Variants in WDR76 observed in about 807,000 individuals in gnomAD.
WDR76 encodes the protein WD repeat domain 76.
In WDR76, 52 loss-of-function variants were observed where a neutral mutation model predicts 70.2. That is an observed-to-expected ratio of 0.74 (90% CI 0.59 to 0.93). The LOEUF (loss-of-function observed/expected upper bound fraction) is 0.93, where lower values mean the gene tolerates loss of function less well. WDR76 is among the 40% of genes least tolerant of loss of function. The pLI is 0.00. For synonymous variants in WDR76, 292 were observed against 271.1 expected (o/e 1.08, Z -0.76); for missense variants, 756 against 760.2 (o/e 0.99, Z 0.07).
Position 43,866,464 on chromosome 15 carries a change from A to C in WDR76, c.*72A>C. The C allele has an allele frequency of 1.9e-6, 3 of 1,549,028 alleles. No homozygotes were observed. Among genetic ancestry groups the C allele is most frequent in the Non-Finnish European group, 2.7e-6 (3 of 1,131,588 alleles). ...AGGAGCCTAGTAATCGGCGTGCCTTAGTGTGTTTATGTGGTAATGTGTTAC... is the reference window on the plus strand; with the variant it reads ...AGGAGCCTAGTAATCGGCGTGCCTTCGTGTGTTTATGTGGTAATGTGTTAC... On this transcript the variant is annotated 3_prime_UTR_variant, in exon 13 of 13. Transcript: ENST00000263795.
intron 8 of WDR76, among the ~76,000 whole-genome samples, chr15:43,849,436 AAAG>A (rs1382246122): frequency 1.3e-5 from 2 of 152,252 alleles, no homozygotes; most frequent in African/African-American, 4.8e-5. Context: ...AAATTTTAAA[AAAG>A]GACCATGCTG....
At chr15:43,831,124 G>A (rs2087582863) in intron 2 of WDR76, among the ~76,000 whole-genome samples, 1 of 151,388 alleles carries the variant, frequency 6.6e-6, no homozygotes, top group Non-Finnish European at 1.5e-5. Context: ...TGAGCTACTC[G>A]GGAGGCTGAG....
At chr15:43,841,684 G>T (rs1395453780) in intron 5 of WDR76, among the ~76,000 whole-genome samples, 1 of 152,046 alleles carries the variant, frequency 6.6e-6, no homozygotes, top group East Asian at 1.9e-4. Flanking sequence ...ATTGCTAGTT[G>T]TGACATACTA....
intron 2 of WDR76, among the ~76,000 whole-genome samples, chr15:43,833,216 A>G (rs1250437160): frequency 6.6e-6 from 1 of 152,002 alleles, no homozygotes; most frequent in Admixed American, 6.6e-5. Flanking sequence ...CCAGGCTAGA[A>G]CACAGTGGTG....
intron 2 of WDR76, among the ~76,000 whole-genome samples, chr15:43,833,623 CTTTT>C (rs796378317): frequency 2.2e-5 from 3 of 137,828 alleles, no homozygotes; most frequent in East Asian, 2.1e-4. Flanking sequence ...CCAGCCCTTT[CTTTT>C]TTTTTTTTGT....
chr15:43,864,410 A>G (rs1003632802), intron 12 of WDR76, among the ~76,000 whole-genome samples: 2 of 152,022 alleles, frequency 1.3e-5, no homozygotes, highest in African/African-American at 4.8e-5. Context: ...ATCTTTACCA[A>G]TACTTGCTAT....
At chr15:43,843,193 T>C (rs2087748196) in intron 7 of WDR76, among the ~76,000 whole-genome samples, 1 of 151,874 alleles carries the variant, frequency 6.6e-6, no homozygotes, top group South Asian at 2.1e-4. Context: ...CTCACTAATT[T>C]TTGTATTTGT....
intron 8 of WDR76, among the ~76,000 whole-genome samples, chr15:43,850,264 A>AT (rs887345629): frequency 1.3e-3 from 197 of 148,710 alleles, no homozygotes; most frequent in African/African-American, 4.8e-3. Context: ...TTATGGTGTT[A>AT]TTTTTTTATT....
At chr15:43,861,045 T>C (rs542643824) in intron 11 of WDR76, among the ~76,000 whole-genome samples, 1 of 150,144 alleles carries the variant, frequency 6.7e-6, no homozygotes, top group Admixed American at 6.7e-5. Context: ...CTCAGCCTCC[T>C]GAGTAGCTCG....
chr15:43,857,820 C>CAA (rs972013972), intron 10 of WDR76, among the ~76,000 whole-genome samples: 783 of 57,384 alleles, frequency 0.014, 7 homozygotes, highest in African/African-American at 0.026. Context: ...CTCTTGTCTC[C>CAA]AAAAAAAAAA....
At chr15:43,831,046 C>T (rs2087581456) in intron 2 of WDR76, among the ~76,000 whole-genome samples, 1 of 148,532 alleles carries the variant, frequency 6.7e-6, no homozygotes, top group Non-Finnish European at 1.5e-5. Flanking sequence ...AGACTCTGTC[C>T]CCACTTCCCC....
intron 11 of WDR76, among the ~76,000 whole-genome samples, chr15:43,861,128 A>C (rs2087992459): frequency 2.0e-5 from 3 of 152,078 alleles, no homozygotes; most frequent in African/African-American, 7.2e-5. Context: ...TGTATTGCCC[A>C]GGTTGGTCTC....
At chr15:43,865,247 CA>C (rs1437331366) in intron 12 of WDR76, among the ~76,000 whole-genome samples, 1 of 151,898 alleles carries the variant, frequency 6.6e-6, no homozygotes, top group Non-Finnish European at 1.5e-5. Flanking sequence ...AGGCAAGCAC[CA>C]CCATGCCTGG....
intron 4 of WDR76, among the ~76,000 whole-genome samples, chr15:43,839,081 TA>T (rs995855005): frequency 1.3e-5 from 2 of 152,112 alleles, no homozygotes; most frequent in African/African-American, 4.8e-5. Flanking sequence ...AAATAGTGCA[TA>T]AAAAAATAGA....
At position 43,866,505 on chromosome 15, in the gene WDR76, C is replaced by T. The variant is rs1232678394; in HGVS notation, c.*113C>T. 4.8e-6 allele frequency: 6 copies of T among 1,239,318 alleles called. No individual in the cohort carries two copies. Among genetic ancestry groups the T allele is most frequent in the Middle Eastern group, 2.5e-4 (1 of 4,022 alleles). 76.8% of individuals were successfully genotyped at this position (1,239,318 alleles called of 1,614,324 possible). ...AATGTGTTACATTTAGCAATTATAA[C>T]ATTGTTTTATTAATAAGACTATAAG... On this transcript the variant is annotated 3_prime_UTR_variant, in exon 13 of 13. Transcript: ENST00000263795.
rs1190623524 is a variant in WDR76 at position 43,843,974 on chromosome 15, T to C, written c.952T>C (p.Ser318Pro). 1 of 1,613,848 alleles carries C rather than the reference T, an allele frequency of 6.2e-7. No homozygotes were observed. The highest frequency in any genetic ancestry group is 1.7e-5 in the Admixed American group (1 of 59,982). Residue 318 changes from serine to proline, a missense_variant, in exon 8 of 13, where the codon TCT becomes CCT. Physicochemically the swap from Ser to Pro is moderately conservative, Grantham distance 74 (BLOSUM62 -1). Coordinates refer to ENST00000263795, the MANE Select transcript of WDR76 (RefSeq NM_024908.4). ...VYKVTTGPIF[S>P]MALHPSETRT... ...CAAAGTTACCACAGGCCCAATATTC[T>C]CTATGGCTCTCCATCCATCAGAAAC... is the stretch of plus-strand genomic sequence containing the variant.
chr15:43,848,078 C>CA (rs1409537015), intron 8 of WDR76, among the ~76,000 whole-genome samples: 8 of 143,992 alleles, frequency 5.6e-5, no homozygotes, highest in African/African-American at 1.6e-4. Context: ...AAAAAACAAA[C>CA]AAACAAAAAA....
intron 9 of WDR76, among the ~76,000 whole-genome samples, chr15:43,852,836 A>T (rs1234616467): frequency 1.3e-5 from 2 of 152,080 alleles, no homozygotes; most frequent in Non-Finnish European, 2.9e-5. Context: ...TGGGTATTCC[A>T]CATTTTATTC....
intron 8 of WDR76, among the ~76,000 whole-genome samples, chr15:43,848,239 C>T (rs1017657126): frequency 3.3e-5 from 5 of 151,138 alleles, no homozygotes; most frequent in African/African-American, 1.2e-4. Context: ...GACCCTATCT[C>T]AAAAAAAGAA....
Sources: allele counts gnomAD v4.1 joint callset (sites outside exome capture counted in the v4.1 genomes callset), GRCh38; gene constraint gnomAD v4.1.1; transcripts MANE v1.5; gene names NCBI Gene and HGNC (gene_info 2026-07-23, HGNC 2026-07-21).